INTS9: variants seen among roughly 807,000 people sequenced by gnomAD.
INTS9 encodes the protein protein related to CPSF subunits of 74 kDa.
A neutral mutation model predicts 79.7 loss-of-function variants in INTS9; 55 were observed. The ratio of observed to expected loss-of-function variants is 0.69; its 90% CI spans 0.56 to 0.86. INTS9 has a LOEUF of 0.86. Ranked by LOEUF, INTS9 falls within the 40% of genes least tolerant of loss-of-function variation. The pLI is 0.00. For missense variants in INTS9, 721 were observed against 831.5 expected, an observed-to-expected ratio of 0.87 and a Z score of 1.64; for synonymous variants, 319 against 325.2, an observed-to-expected ratio of 0.98 and a Z score of 0.20.
chr8:28,777,268 G>A (rs1802942935), intron 13 of INTS9, among the ~76,000 whole-genome samples: 1 of 152,112 alleles, frequency 6.6e-6, no homozygotes, highest in South Asian at 2.1e-4. Context: ...CGACTCTCAA[G>A]AGCCAGAAAC....
chr8:28,816,906 G>A (rs1421025820), intron 6 of INTS9, among the ~76,000 whole-genome samples: 1 of 152,062 alleles, frequency 6.6e-6, no homozygotes, highest in East Asian at 1.9e-4. Context: ...GATGGCCAGT[G>A]ATGGTGAGCA....
At chr8:28,794,726 A>G (rs1362485048) in intron 9 of INTS9, among the ~76,000 whole-genome samples, 2 of 152,216 alleles carry the variant, frequency 1.3e-5, no homozygotes, top group Admixed American at 6.5e-5. Flanking sequence ...AAAATGCCAG[A>G]GAACATGTTG....
At chr8:28,773,908 T>C (rs1262676298) in intron 14 of INTS9, among the ~76,000 whole-genome samples, 2 of 152,120 alleles carry the variant, frequency 1.3e-5, no homozygotes, top group African/African-American at 4.8e-5. Flanking sequence ...CTGCAACCTC[T>C]GCCTCCCGGT....
At chr8:28,773,125 C>T (rs1403538827) in intron 14 of INTS9, among the ~76,000 whole-genome samples, 1 of 152,140 alleles carries the variant, frequency 6.6e-6, no homozygotes, top group Non-Finnish European at 1.5e-5. Context: ...AAAGGATGCT[C>T]CTAAAAGTGT....
chr8:28,859,351 C>T, intron 2 of INTS9, 85 bp downstream of exon 2: 24 of 1,425,554 alleles, frequency 1.7e-5, no homozygotes, highest in Non-Finnish European at 2.3e-5. Context: ...CGACAATATA[C>T]TAGGTACTAG....
intron 11 of INTS9, among the ~76,000 whole-genome samples, chr8:28,785,687 T>C (rs1195173131): frequency 6.6e-6 from 1 of 152,160 alleles, no homozygotes; most frequent in Admixed American, 6.5e-5. Flanking sequence ...GCTAAATGTG[T>C]TCCTCAGTTA....
intron 1 of INTS9, among the ~76,000 whole-genome samples, chr8:28,881,136 C>T (rs1159322264): frequency 4.2e-5 from 6 of 141,558 alleles, no homozygotes; most frequent in Non-Finnish European, 6.0e-5. Flanking sequence ...GGGGGGTCAG[C>T]CCCCCGCCCG....
chr8:28,815,290 C>T (rs776309711), intron 6 of INTS9, among the ~76,000 whole-genome samples: 4 of 151,984 alleles, frequency 2.6e-5, no homozygotes, highest in Non-Finnish European at 5.9e-5. Flanking sequence ...ACCAGAATTT[C>T]AAATAAGCTA....
chr8:28,779,539 G>A (rs180704206), intron 12 of INTS9, among the ~76,000 whole-genome samples: 12 of 152,224 alleles, frequency 7.9e-5, no homozygotes, highest in East Asian at 1.9e-4. Flanking sequence ...CAAACTTCCC[G>A]CTATGCCGGC....
rs542061749 is a variant in INTS9, at chr8:28,826,442, C to A, written c.488+8850G>T. 2.4e-3 allele frequency among the ~76,000 whole-genome samples: 363 copies of A among 152,246 alleles called. 1 individual carries two copies. Among genetic ancestry groups the A allele is most frequent in the South Asian group, 9.6e-3 (46 of 4,816 alleles). ...AAATCAAGGAGGAGCTCAGGGGTAA[C>A]CCGGAGGAGGAAAGCCAAGCCGTCC... On this transcript the variant is annotated intron_variant, in intron 6 of 16. Transcript: ENST00000521022.
intron 4 of INTS9, among the ~76,000 whole-genome samples, chr8:28,841,285 C>T (rs1211372500): frequency 1.3e-5 from 2 of 152,232 alleles, no homozygotes; most frequent in Non-Finnish European, 2.9e-5. Flanking sequence ...CTACTCTCCA[C>T]TACCTCCCCT....
At chr8:28,778,886 C>T (rs1419739762) in intron 12 of INTS9, among the ~76,000 whole-genome samples, 1 of 152,126 alleles carries the variant, frequency 6.6e-6, no homozygotes, top group African/African-American at 2.4e-5. Flanking sequence ...GAATACTGAC[C>T]CCCTTTTCAT....
intron 10 of INTS9, among the ~76,000 whole-genome samples, chr8:28,790,871 A>C (rs1025293480): frequency 2.6e-5 from 4 of 152,182 alleles, no homozygotes; most frequent in Admixed American, 2.6e-4. Flanking sequence ...GGATTGGACA[A>C]GTTTCACCTG....
At chr8:28,771,981 CT>C (rs2130847887) in intron 14 of INTS9, among the ~76,000 whole-genome samples, 1 of 152,298 alleles carries the variant, frequency 6.6e-6, no homozygotes, top group Admixed American at 6.5e-5. Context: ...CCTCCTCAGC[CT>C]CCCCAGTAGC....
At chr8:28,832,842 G>A (rs1182598290) in intron 6 of INTS9, among the ~76,000 whole-genome samples, 1 of 151,966 alleles carries the variant, frequency 6.6e-6, no homozygotes, top group Admixed American at 6.6e-5. Flanking sequence ...CTCACCTGTG[G>A]TCCCAGCTAC....
At chr8:28,775,686 G>C (rs1802823272) in intron 14 of INTS9, 73 bp downstream of exon 14, 1 of 1,474,518 alleles carries the variant, frequency 6.8e-7, no homozygotes, top group African/African-American at 1.4e-5. Flanking sequence ...TCCAAAAGAA[G>C]GCCACCCCTG....
chr8:28,799,257 T>C (rs1361623717), intron 8 of INTS9, among the ~76,000 whole-genome samples: 1 of 152,032 alleles, frequency 6.6e-6, no homozygotes, highest in Non-Finnish European at 1.5e-5. Context: ...GATCACACCA[T>C]TGCACTCCAG....
At chr8:28,866,599 C>A (rs185237593) in intron 1 of INTS9, among the ~76,000 whole-genome samples, 136 of 152,246 alleles carry the variant, frequency 8.9e-4, no homozygotes, top group Non-Finnish European at 2.1e-4. Flanking sequence ...GGTTATCAAT[C>A]TTGAAATACG....
intron 9 of INTS9, 112 bp from the exon 10 acceptor site, chr8:28,794,099 T>A (rs1454043341): frequency 1.5e-5 from 12 of 825,682 alleles, no homozygotes; most frequent in African/African-American, 3.4e-5. Context: ...GTTTTTATGA[T>A]TTACTTACAT....
Sources: allele counts gnomAD v4.1 joint callset (sites outside exome capture counted in the v4.1 genomes callset), GRCh38; gene constraint gnomAD v4.1.1; transcripts MANE v1.5; gene names NCBI Gene and HGNC (gene_info 2026-07-23, HGNC 2026-07-21).